ZNF148: variants seen among roughly 807,000 people sequenced by gnomAD.
ZNF148 encodes zinc finger protein 148, also known as Beta-Enolase Repressor Factor-1.
A neutral mutation model predicts 67.7 loss-of-function variants in ZNF148; 7 were observed. The observed-to-expected ratio is 0.10, with a 90% CI of 0.06 to 0.19. ZNF148 has a LOEUF of 0.19. Among genes scored for constraint, ZNF148 ranks in the 10% least tolerant of loss-of-function variants. The pLI, the probability that ZNF148 is intolerant of heterozygous loss-of-function variation, is 1.00. For missense variants in ZNF148, 583 were observed against 947.1 expected, an observed-to-expected ratio of 0.62 and a Z score of 5.05; for synonymous variants, 333 against 330.7, an observed-to-expected ratio of 1.01 and a Z score of -0.08.
chr3:125,306,210 A>C (rs1178868284), intron 4 of ZNF148, among the ~76,000 whole-genome samples: 1 of 152,192 alleles, frequency 6.6e-6, no homozygotes, highest in Non-Finnish European at 1.5e-5. Context: ...AAAAATGAAT[A>C]TCTAAAATCA....
chr3:125,330,465 CAAAAAAA>C (rs200643048), intron 2 of ZNF148, among the ~76,000 whole-genome samples: 11,371 of 118,450 alleles, frequency 0.096, 584 homozygotes, highest in Non-Finnish European at 0.11. Context: ...AACCCTATCT[CAAAAAAA>C]AAAAAAAAAA....
intron 1 of ZNF148, among the ~76,000 whole-genome samples, chr3:125,374,897 A>C (rs573096374): frequency 6.5e-3 from 281 of 42,946 alleles, no homozygotes; most frequent in Middle Eastern, 7.8e-3. Flanking sequence ...CCCCCAACCC[A>C]CCCTCCGCGC....
At chr3:125,325,751 G>A (rs1274590619) in intron 2 of ZNF148, among the ~76,000 whole-genome samples, 1 of 152,074 alleles carries the variant, frequency 6.6e-6, no homozygotes, top group Admixed American at 6.5e-5. Context: ...TGGGATTATA[G>A]GTATGAGCCA....
intron 1 of ZNF148, among the ~76,000 whole-genome samples, chr3:125,360,279 G>T (rs1008802678): frequency 6.6e-6 from 1 of 151,778 alleles, no homozygotes; most frequent in African/African-American, 2.4e-5. Context: ...TTTTTAGACA[G>T]GGTTTTTGTA....
Position 125,228,032 on chromosome 3 carries a change from T to A in ZNF148, c.*4309A>T, listed in dbSNP as rs1384491793. 4 of 152,512 alleles carry A rather than the reference T, an allele frequency of 2.6e-5. No homozygotes were observed. The highest frequency in any genetic ancestry group is 9.7e-5 in the African/African-American group (4 of 41,422). The allele number at this position is 152,512 out of a possible 1,614,324, so 9.4% of individuals were successfully genotyped here. A position where few individuals can be genotyped will look rare whatever the true frequency, so the allele number is the denominator to read the frequency against. The stretch of plus-strand genomic sequence containing the variant: ...CAGCTGAGAAACCAAGCTTGAAAAA[T>A]AAGTATCTAAAAATCAATGTAGAAA... On this transcript the variant is annotated 3_prime_UTR_variant, in exon 9 of 9. Coordinates refer to ENST00000360647, the MANE Select transcript of ZNF148 (RefSeq NM_021964.3).
At chr3:125,332,326 A>T (rs575154912) in intron 1 of ZNF148, among the ~76,000 whole-genome samples, 9 of 152,324 alleles carry the variant, frequency 5.9e-5, no homozygotes, top group African/African-American at 1.9e-4. Flanking sequence ...AAAAGCATAT[A>T]CATGTCATTC....
intron 4 of ZNF148, among the ~76,000 whole-genome samples, chr3:125,294,314 G>C (rs951750623): frequency 6.6e-6 from 1 of 152,106 alleles, no homozygotes; most frequent in Non-Finnish European, 1.5e-5. Context: ...CAGAAAAAGG[G>C]TATTTGGAGG....
At chr3:125,250,649 T>C (rs1013844152) in intron 7 of ZNF148, among the ~76,000 whole-genome samples, 1 of 152,254 alleles carries the variant, frequency 6.6e-6, no homozygotes, top group Non-Finnish European at 1.5e-5. Flanking sequence ...TCTGGTCTTC[T>C]TCCAGGTAGA....
chr3:125,337,206 C>T (rs1196621705), intron 1 of ZNF148, among the ~76,000 whole-genome samples: 2 of 151,958 alleles, frequency 1.3e-5, no homozygotes, highest in African/African-American at 2.4e-5. Flanking sequence ...AATCAACTAC[C>T]CAATACACAT....
chr3:125,341,376 T>C (rs899662329), intron 1 of ZNF148, among the ~76,000 whole-genome samples: 1 of 150,274 alleles, frequency 6.7e-6, no homozygotes, highest in African/African-American at 2.4e-5. Context: ...TTCAGCACTT[T>C]GGGAAGATGA....
At chr3:125,276,197 T>C (rs1386535569) in intron 7 of ZNF148, among the ~76,000 whole-genome samples, 1 of 152,210 alleles carries the variant, frequency 6.6e-6, no homozygotes, top group East Asian at 1.9e-4. Context: ...CTTTCATTTG[T>C]ATCTGATCAG....
At chr3:125,310,193 C>G (rs1308589880) in intron 4 of ZNF148, among the ~76,000 whole-genome samples, 5 of 151,038 alleles carry the variant, frequency 3.3e-5, no homozygotes, top group Non-Finnish European at 7.4e-5. Context: ...GATTCTTATG[C>G]CTCAGCCTCC....
intron 4 of ZNF148, among the ~76,000 whole-genome samples, chr3:125,297,872 C>T (rs1939366325): frequency 6.6e-6 from 1 of 152,098 alleles, no homozygotes; most frequent in South Asian, 2.1e-4. Context: ...AGTATATAAC[C>T]AACAGAAATG....
At chr3:125,334,185 C>G (rs1406433890) in intron 1 of ZNF148, among the ~76,000 whole-genome samples, 1 of 152,170 alleles carries the variant, frequency 6.6e-6, no homozygotes, top group Admixed American at 6.5e-5. Flanking sequence ...GATAGACTGG[C>G]AATGTTCCAA....
Position 125,227,032 on chromosome 3 carries a change from T to A in ZNF148, c.*5309A>T, listed in dbSNP as rs558156548. 8.5e-5 allele frequency: 13 copies of A among 152,238 alleles called. No homozygotes were observed. Among genetic ancestry groups the A allele is most frequent in the African/African-American group, 2.9e-4 (12 of 41,562 alleles). The allele number at this position is 152,238 out of a possible 1,614,324, so 9.4% of individuals were successfully genotyped here. On this transcript the variant is annotated 3_prime_UTR_variant, in exon 9 of 9. Transcript: ENST00000360647. ...GAGTTTGCAGTTGAGTCCTTCCCAA[T>A]GATTTCTTAGGGAGTTGAAGAAACA... is the stretch of plus-strand genomic sequence containing the variant.
intron 4 of ZNF148, among the ~76,000 whole-genome samples, chr3:125,298,905 G>A (rs1039586467): frequency 1.3e-5 from 2 of 152,070 alleles, no homozygotes; most frequent in African/African-American, 4.8e-5. Flanking sequence ...GGGATTACAG[G>A]CGTGAGCCAC....
chr3:125,331,786 ATAAC>A (rs1450759019), intron 1 of ZNF148, among the ~76,000 whole-genome samples: 1 of 152,214 alleles, frequency 6.6e-6, no homozygotes, highest in African/African-American at 2.4e-5. Flanking sequence ...ACATCATGCT[ATAAC>A]TAACCTTTTA....
At chr3:125,297,940 C>T (rs1939368797) in intron 4 of ZNF148, among the ~76,000 whole-genome samples, 1 of 152,138 alleles carries the variant, frequency 6.6e-6, no homozygotes, top group African/African-American at 2.4e-5. Flanking sequence ...TAATACCAAA[C>T]ATCTAGAAAC....
intron 7 of ZNF148, among the ~76,000 whole-genome samples, chr3:125,269,036 GAACA>G (rs1320258872): frequency 6.6e-6 from 1 of 151,882 alleles, no homozygotes; most frequent in East Asian, 1.9e-4. Flanking sequence ...AAGGACATGA[GAACA>G]GACACTTCTC....
Sources: allele counts gnomAD v4.1 joint callset (sites outside exome capture counted in the v4.1 genomes callset), GRCh38; gene constraint gnomAD v4.1.1; transcripts MANE v1.5; gene names NCBI Gene and HGNC (gene_info 2026-07-23, HGNC 2026-07-21).